The following NRG1 variants were observed in gnomAD, a reference collection of about 807,000 sequenced individuals.
NRG1 encodes the protein neuregulin 1, also known as pro-neuregulin-1, membrane-bound isoform.
Under a neutral mutation model 63.8 loss-of-function variants are expected in NRG1, and 18 were observed. The ratio of observed to expected loss-of-function variants is 0.28; its 90% CI spans 0.19 to 0.42. The LOEUF (loss-of-function observed/expected upper bound fraction) is 0.42. Ranked by LOEUF, NRG1 falls within the 10% of genes least tolerant of loss-of-function variation. NRG1 has a pLI of 1.00. For synonymous variants in NRG1, 302 were observed against 301.3 expected, an observed-to-expected ratio of 1.00 and a Z score of -0.02; for missense variants, 762 against 814.7, an observed-to-expected ratio of 0.94 and a Z score of 0.79.
At chr8:31,749,403 C>T (rs1816219074) in intron 1 of NRG1, among the ~76,000 whole-genome samples, 1 of 151,696 alleles carries the variant, frequency 6.6e-6, no homozygotes, top group African/African-American at 2.4e-5. Context: ...TGATACTTGC[C>T]AATCCCAGTG....
intron 1 of NRG1, among the ~76,000 whole-genome samples, chr8:31,712,698 C>CT (rs1403016970): frequency 6.6e-6 from 1 of 152,016 alleles, no homozygotes; most frequent in Non-Finnish European, 1.5e-5. Context: ...TGTTACTGCT[C>CT]TTTTTTTTCT....
chr8:32,564,844 T>G (rs891352953), intron 1 of NRG1, among the ~76,000 whole-genome samples: 1 of 151,920 alleles, frequency 6.6e-6, no homozygotes, highest in Non-Finnish European at 1.5e-5. Flanking sequence ...GAGGATTACT[T>G]GAGCTCAGGA....
intron 5 of NRG1, among the ~76,000 whole-genome samples, chr8:32,722,722 G>A (rs1820959056): frequency 6.6e-6 from 1 of 152,020 alleles, no homozygotes; most frequent in Non-Finnish European, 1.5e-5. Flanking sequence ...CTTGTAATTT[G>A]GAAATTCAGT....
intron 1 of NRG1, among the ~76,000 whole-genome samples, chr8:32,224,339 C>T (rs941871882): frequency 6.6e-6 from 1 of 152,146 alleles, no homozygotes; most frequent in Non-Finnish European, 1.5e-5. Context: ...CTCCACCCTT[C>T]ACAAGGATCC....
chr8:31,658,071 C>G (rs571396665), intron 1 of NRG1, among the ~76,000 whole-genome samples: 7 of 152,286 alleles, frequency 4.6e-5, no homozygotes, highest in African/African-American at 1.7e-4. Flanking sequence ...AAAATCAGAT[C>G]CACTTGGACA....
At chr8:32,541,713 A>G (rs937619831) in intron 1 of NRG1, among the ~76,000 whole-genome samples, 1 of 152,200 alleles carries the variant, frequency 6.6e-6, no homozygotes, top group African/African-American at 2.4e-5. Context: ...CACTCTTAAA[A>G]GCCATCAAAG....
At chr8:32,525,213 G>A (rs942345447) in intron 1 of NRG1, among the ~76,000 whole-genome samples, 1 of 152,098 alleles carries the variant, frequency 6.6e-6, no homozygotes, top group African/African-American at 2.4e-5. Context: ...GGAGTCCGGT[G>A]CCCATGAAAA....
intron 5 of NRG1, among the ~76,000 whole-genome samples, chr8:32,690,308 AT>A (rs1285223748): frequency 6.6e-6 from 1 of 151,978 alleles, no homozygotes; most frequent in Non-Finnish European, 1.5e-5. Context: ...TGGTCTACTT[AT>A]CCCCCCGCCC....
At chr8:31,895,659 C>T (rs1386361873) in intron 1 of NRG1, among the ~76,000 whole-genome samples, 1 of 152,092 alleles carries the variant, frequency 6.6e-6, no homozygotes, top group African/African-American at 2.4e-5. Context: ...CATTAACTGT[C>T]ATTTTTTAAT....
At chr8:32,091,705 A>T (rs1457489487) in intron 1 of NRG1, among the ~76,000 whole-genome samples, 1 of 152,130 alleles carries the variant, frequency 6.6e-6, no homozygotes, top group Non-Finnish European at 1.5e-5. Context: ...CTGATAGAGG[A>T]TGGAAACGAA....
intron 1 of NRG1, among the ~76,000 whole-genome samples, chr8:31,837,693 A>G (rs1310253182): frequency 6.6e-6 from 1 of 151,926 alleles, no homozygotes; most frequent in Admixed American, 6.6e-5. Flanking sequence ...CTTCTATGAG[A>G]TCAGTTTTTC....
chr8:32,469,982 C>A lies in NRG1; in HGVS notation c.38-125846C>A, dbSNP rs188297362. ...AAGCGATTCTCCTGCCTCAGCCTCCCGAGTAGCTGGGATTACAGGCGCCAG... is the reference window on the plus strand; with the variant it reads ...AAGCGATTCTCCTGCCTCAGCCTCCAGAGTAGCTGGGATTACAGGCGCCAG... On this transcript the variant is annotated intron_variant, in intron 1 of 10. Transcript: ENST00000519301. 3.9e-3 allele frequency among the ~76,000 whole-genome samples: 572 copies of A among 147,114 alleles called. 1 individual carries two copies. The highest frequency in any genetic ancestry group is 0.013 in the African/African-American group (532 of 39,872).
At chr8:32,681,569 T>C (rs534684465) in intron 5 of NRG1, among the ~76,000 whole-genome samples, 1 of 152,262 alleles carries the variant, frequency 6.6e-6, no homozygotes, top group African/African-American at 2.4e-5. Context: ...GGAGAATATA[T>C]TGATAACAGC....
chr8:31,670,744 A>C lies in NRG1; in HGVS notation c.37+31313A>C, dbSNP rs62506878. ...GTACTTGGTGGGCAGTGTCATGAAA[A>C]CCAAGAGAACCAGGGCCTTATATTT... On this transcript the variant is annotated intron_variant, in intron 1 of 10. Coordinates refer to the NRG1 transcript ENST00000519301. Among the ~76,000 whole-genome samples the C allele has an allele frequency of 9.3e-3, 1,419 of 152,100 alleles. 16 individuals carry two copies. Among genetic ancestry groups the C allele is most frequent in the Middle Eastern group, 0.024 (7 of 292 alleles).
intron 1 of NRG1, among the ~76,000 whole-genome samples, chr8:32,204,823 C>T (rs1843859700): frequency 6.6e-6 from 1 of 152,128 alleles, no homozygotes; most frequent in Non-Finnish European, 1.5e-5. Flanking sequence ...TCTGAAATCC[C>T]TCATTTAGAA....
chr8:32,724,614 C>T (rs930302066), intron 5 of NRG1, among the ~76,000 whole-genome samples: 5 of 152,250 alleles, frequency 3.3e-5, no homozygotes, highest in Admixed American at 6.5e-5. Flanking sequence ...GGAAACCTGG[C>T]GAAAATCACC....
chr8:31,969,247 T>A (rs1806879570), intron 1 of NRG1, among the ~76,000 whole-genome samples: 1 of 152,216 alleles, frequency 6.6e-6, no homozygotes, highest in Non-Finnish European at 1.5e-5. Flanking sequence ...AAAACCATAA[T>A]ATTTTTGTTA....
chr8:32,578,375 C>A (rs868662099), intron 1 of NRG1, among the ~76,000 whole-genome samples: 1 of 152,116 alleles, frequency 6.6e-6, no homozygotes, highest in Non-Finnish European at 1.5e-5. Context: ...TTTATTGCTT[C>A]AAATTGTTCA....
chr8:32,537,874 C>T (rs1217218859), intron 1 of NRG1, among the ~76,000 whole-genome samples: 1 of 152,058 alleles, frequency 6.6e-6, no homozygotes, highest in Admixed American at 6.6e-5. Flanking sequence ...TTTTTTGAGA[C>T]AGAGTCTCGC....
Sources: allele counts gnomAD v4.1 joint callset (sites outside exome capture counted in the v4.1 genomes callset), GRCh38; gene constraint gnomAD v4.1.1; transcripts MANE v1.5; gene names NCBI Gene and HGNC (gene_info 2026-07-23, HGNC 2026-07-21).